SETD2: variants seen among roughly 807,000 people sequenced by gnomAD.
SETD2 encodes histone-lysine N-methyltransferase SETD2.
Under a neutral mutation model 242.1 loss-of-function variants are expected in SETD2, and 31 were observed. The observed-to-expected ratio is 0.13, with a 90% CI of 0.10 to 0.17. The LOEUF is 0.17. Ranked by LOEUF, SETD2 falls within the 10% of genes least tolerant of loss-of-function variation. The pLI is 1.00. For synonymous variants in SETD2, 1,006 were observed against 1,066.5 expected (o/e 0.94, Z 1.11); for missense variants, 2,481 against 3,046.3 (o/e 0.81, Z 4.37).
intron 19 of SETD2, among the ~76,000 whole-genome samples, 189 bp downstream of exon 19, chr3:47,019,571 A>G (rs181533309): frequency 5.7e-4 from 87 of 152,320 alleles, no homozygotes; most frequent in Non-Finnish European, 2.5e-4. Context: ...GCTCCTGTCA[A>G]GCCAAGAAAA....
At chr3:47,151,058 T>C (rs539770361) in intron 1 of SETD2, among the ~76,000 whole-genome samples, 3 of 152,282 alleles carry the variant, frequency 2.0e-5, no homozygotes, top group Admixed American at 2.0e-4. Flanking sequence ...AAACATTTAC[T>C]AAGCATGTAC....
At chr3:47,097,032 TACTCTCATCAC>T (rs1284346724) in intron 9 of SETD2, among the ~76,000 whole-genome samples, 2 of 152,242 alleles carry the variant, frequency 1.3e-5, no homozygotes, top group Non-Finnish European at 2.9e-5. Flanking sequence ...TTAACCATTA[TACTCTCATCAC>T]CTCCCTCATG....
At chr3:47,104,402 T>C (rs532249904) in intron 6 of SETD2, among the ~76,000 whole-genome samples, 2 of 151,926 alleles carry the variant, frequency 1.3e-5, no homozygotes, top group Admixed American at 1.3e-4. Context: ...AAGCCAGGCA[T>C]GGTGGCATGT....
chr3:47,088,199 C>A lies in SETD2; in HGVS notation c.5191G>T (p.Asp1731Tyr). 5 of 1,613,760 alleles carry A rather than the reference C, an allele frequency of 3.1e-6. No homozygotes were observed. Among genetic ancestry groups the A allele is most frequent in the Non-Finnish European group, 4.2e-6 (5 of 1,179,900 alleles). Residue 1731 changes from aspartate to tyrosine, a missense_variant, in exon 10 of 21, where the codon GAT (aspartate) becomes TAT (tyrosine). This residue lies in a region of SETD2 where 62 missense variants were observed against 136.7 expected (regional missense o/e 0.45). Coordinates refer to ENST00000409792, the MANE Select transcript of SETD2 (RefSeq NM_014159.7). ...GATAAGCTGAGCACCTGGTTTTTAT[C>A]AGAGAGACCCTCACCATTTTCCATC... ...ALMENGEGLSDKNQVLSLSRL... is the reference protein window; with the variant it reads ...ALMENGEGLSYKNQVLSLSRL...
At chr3:47,160,891 T>C (rs1575859632) in intron 1 of SETD2, among the ~76,000 whole-genome samples, 1 of 152,304 alleles carries the variant, frequency 6.6e-6, no homozygotes, top group South Asian at 2.1e-4. Flanking sequence ...CTCAAGTGAT[T>C]ACAGCCATTT....
rs1340385627 is a variant in SETD2, at chr3:47,119,820, T to C, written c.4454+362A>G. ...AAATAAAATCCAAAGTAACCACTTT[T>C]TTCTTCTCTAAGTACAGATTATTTT... On this transcript the variant is annotated intron_variant, in intron 3 of 20. Transcript: ENST00000409792. 1.7e-5 allele frequency: 8 copies of C among 482,322 alleles called. No homozygotes were observed. The East Asian group carries it at 5.2e-4, about 31-fold the overall frequency. 29.9% of individuals were successfully genotyped at this position (482,322 alleles called of 1,614,324 possible). A position where few individuals can be genotyped will look rare whatever the true frequency, so the allele number is the denominator to read the frequency against.
At chr3:47,116,828 G>A (rs528270285) in intron 3 of SETD2, 74 bp from the exon 4 acceptor site, 36 of 1,073,382 alleles carry the variant, frequency 3.4e-5, no homozygotes, top group Middle Eastern at 2.8e-4. Flanking sequence ...AATCAAATAT[G>A]TGCCAAATCT....
chr3:47,106,526 A>AAAAAAAC (rs1559726485), intron 5 of SETD2, among the ~76,000 whole-genome samples: 12 of 133,334 alleles, frequency 9.0e-5, no homozygotes, highest in African/African-American at 3.2e-4. Context: ...AAAAAAAAAA[A>AAAAAAAC]GGCAGCCGGG....
chr3:47,111,391 C>T (rs1395910625), intron 5 of SETD2, among the ~76,000 whole-genome samples: 1 of 149,082 alleles, frequency 6.7e-6, no homozygotes, highest in Non-Finnish European at 1.5e-5. Context: ...ATAGTGAGGA[C>T]CCCATCTCTA....
chr3:47,083,510 AAAG>A (rs1465926856), intron 12 of SETD2, among the ~76,000 whole-genome samples: 1 of 152,236 alleles, frequency 6.6e-6, no homozygotes, highest in Non-Finnish European at 1.5e-5. Context: ...AAGTGACAGA[AAAG>A]AAGACATTTG....
intron 1 of SETD2, among the ~76,000 whole-genome samples, chr3:47,150,579 C>A (rs764253441): frequency 2.0e-5 from 3 of 152,058 alleles, no homozygotes; most frequent in Non-Finnish European, 4.4e-5. Context: ...GTCTAGCATA[C>A]CAACAGAAGA....
chr3:47,107,738 G>C (rs997509416), intron 5 of SETD2, among the ~76,000 whole-genome samples: 10 of 122,426 alleles, frequency 8.2e-5, no homozygotes, highest in South Asian at 2.7e-4. Flanking sequence ...GGTGGGGGGG[G>C]GGTGGCAGGA....
chr3:47,149,275 C>T (rs1202850043), intron 1 of SETD2, among the ~76,000 whole-genome samples: 5 of 152,102 alleles, frequency 3.3e-5, no homozygotes, highest in Non-Finnish European at 5.9e-5. Context: ...AGCTAGTGAG[C>T]ACAACCTGTA....
chr3:47,075,588 A>G (rs892518772), intron 12 of SETD2, among the ~76,000 whole-genome samples: 4 of 135,744 alleles, frequency 2.9e-5, no homozygotes, highest in African/African-American at 1.1e-4. Context: ...AAAAAAAAAA[A>G]GAAGAATCTA....
rs780412960 is a variant in SETD2 at position 47,046,538 on chromosome 3, G to C, written c.7047C>G (p.Ala2349=). 1.2e-6 allele frequency: 2 copies of C among 1,613,198 alleles called. No individual in the cohort carries two copies. ...GTGCAACTATTGTAGTCACTGCTGC[G>C]GCTGGCTGTACCACCACTCCTTGTG... ...AHPQGVVVQP[A]AAVTTIVAPG... is the part of the protein sequence containing the mutation. The change falls in exon 16 of 21, where the codon GCC becomes GCG. Residue 2349 remains alanine (A), a synonymous_variant. Coordinates refer to ENST00000409792, the MANE Select transcript of SETD2 (RefSeq NM_014159.7).
chr3:47,113,186 C>CTTTT (rs941614583), intron 5 of SETD2, among the ~76,000 whole-genome samples: 1 of 151,766 alleles, frequency 6.6e-6, no homozygotes, highest in African/African-American at 2.4e-5. Flanking sequence ...TCACTGTAAC[C>CTTTT]TTGAACTCCC....
At chr3:47,069,230 T>A (rs1245626754) in intron 12 of SETD2, among the ~76,000 whole-genome samples, 2 of 152,196 alleles carry the variant, frequency 1.3e-5, no homozygotes, top group Non-Finnish European at 2.9e-5. Flanking sequence ...ACAGTCTAAC[T>A]CAAGAGCACT....
intron 12 of SETD2, among the ~76,000 whole-genome samples, chr3:47,076,811 G>A (rs1323716859): frequency 1.3e-5 from 2 of 152,242 alleles, no homozygotes; most frequent in South Asian, 2.1e-4. Context: ...CATGCACTGA[G>A]TGTGTAAAGA....
At chr3:47,019,943 T>C in intron 18 of SETD2, 103 bp from the exon 19 acceptor site, 1 of 944,200 alleles carries the variant, frequency 1.1e-6, no homozygotes, top group Non-Finnish European at 1.7e-6. Flanking sequence ...CAGGGATACC[T>C]GATTCTTGGT....
Sources: gnomAD v4.1 joint callset for allele counts (sites outside exome capture counted in the v4.1 genomes callset) on GRCh38, gnomAD v4.1.1 for gene constraint, gnomAD v4.1.1 regional missense constraint, MANE v1.5 for transcripts, NCBI Gene and HGNC (gene_info 2026-07-23, HGNC 2026-07-21) for gene names.